DNAJC15: variants seen among roughly 807,000 people sequenced by gnomAD.
DNAJC15 encodes dnaJ homolog subfamily C member 15.
DNAJC15 carries 27 observed loss-of-function variants against 22.4 expected under a neutral mutation model. The ratio of observed to expected loss-of-function variants is 1.20; its 90% CI spans 0.89 to 1.66. The LOEUF is 1.66. DNAJC15 is among the 40% of genes most tolerant of loss of function. The pLI, the probability that DNAJC15 is intolerant of heterozygous loss-of-function variation, is 0.00. For synonymous variants in DNAJC15, 79 were observed against 63.2 expected, an observed-to-expected ratio of 1.25 and a Z score of -1.19; for missense variants, 208 against 187.1, an observed-to-expected ratio of 1.11 and a Z score of -0.65.
chr13:43,076,851 A>G (rs1223264420), intron 3 of DNAJC15, among the ~76,000 whole-genome samples: 1 of 152,162 alleles, frequency 6.6e-6, no homozygotes, highest in Non-Finnish European at 1.5e-5. Context: ...TCCAGAGGTC[A>G]GTTTGTGGCT....
rs1005167367 is a variant in DNAJC15, at chr13:43,108,917, C to T, written c.*1669C>T. 1 of 152,284 alleles carries T rather than the reference C, an allele frequency of 6.6e-6. No individual in the cohort carries two copies. Among genetic ancestry groups the T allele is most frequent in the African/African-American group, 2.4e-5 (1 of 41,564 alleles). 9.4% of individuals were successfully genotyped at this position (152,284 alleles called of 1,614,324 possible). A position where few individuals can be genotyped will look rare whatever the true frequency, so the allele number is the denominator to read the frequency against. On this transcript the variant is annotated 3_prime_UTR_variant, in exon 6 of 6. Transcript: ENST00000379221. ...CTTGCTTTAAAGTCCCCATACGTGT[C>T]CTACTAATTTTCTCATGCTTTAGTG... is the stretch of plus-strand genomic sequence containing the variant.
intron 1 of DNAJC15, among the ~76,000 whole-genome samples, chr13:43,028,723 T>A (rs2153439338): frequency 6.6e-6 from 1 of 152,328 alleles, no homozygotes; most frequent in South Asian, 2.1e-4. Flanking sequence ...GTGACTTTAC[T>A]AGAGCTTTCT....
chr13:43,057,036 C>T (rs775240121), intron 1 of DNAJC15, among the ~76,000 whole-genome samples: 20 of 152,190 alleles, frequency 1.3e-4, no homozygotes, highest in Non-Finnish European at 2.2e-4. Context: ...CCTCACAACA[C>T]TTAAGATTCT....
intron 5 of DNAJC15, among the ~76,000 whole-genome samples, chr13:43,093,010 C>T (rs2153441909): frequency 6.6e-6 from 1 of 152,346 alleles, no homozygotes; most frequent in East Asian, 1.9e-4. Flanking sequence ...TTTGGCCACT[C>T]CTAAAGTAAT....
At position 43,085,841 on chromosome 13, in the gene DNAJC15, A is replaced by T. The variant is rs1161229978; in HGVS notation, c.382+3A>T. The T allele has an allele frequency of 1.2e-6, 2 of 1,612,022 alleles. No homozygotes were observed. ...GATTTTGAATCACCCAGATAAAGGTAGGTAGAATTCCTATTTTTCATAATA... is the reference window on the plus strand; with the variant it reads ...GATTTTGAATCACCCAGATAAAGGTTGGTAGAATTCCTATTTTTCATAATA... On this transcript the variant is annotated splice_donor_region_variant and intron_variant, in intron 5 of 5. Transcript: ENST00000379221.
At chr13:43,024,036 C>T (rs549769034) in intron 1 of DNAJC15, among the ~76,000 whole-genome samples, 1 of 152,330 alleles carries the variant, frequency 6.6e-6, no homozygotes, top group African/African-American at 2.4e-5. Flanking sequence ...ATTTTCCTAT[C>T]TCATAGGAGG....
intron 5 of DNAJC15, among the ~76,000 whole-genome samples, chr13:43,101,986 T>C (rs1267110243): frequency 1.3e-5 from 2 of 152,222 alleles, no homozygotes; most frequent in South Asian, 2.1e-4. Context: ...GGTCTTTTAG[T>C]TCTTTAAGGA....
At chr13:43,078,573 G>A (rs1421316270) in intron 3 of DNAJC15, 39 bp from the exon 4 acceptor site, 8 of 1,575,324 alleles carry the variant, frequency 5.1e-6, no homozygotes, top group Admixed American at 1.7e-5. Flanking sequence ...CACCTCATAC[G>A]TGGAACTAAT....
chr13:43,072,425 A>G (rs2040613352), intron 3 of DNAJC15, among the ~76,000 whole-genome samples: 1 of 152,056 alleles, frequency 6.6e-6, no homozygotes, highest in African/African-American at 2.4e-5. Flanking sequence ...TCTGTCCTCT[A>G]TGTCTCTTAC....
At chr13:43,057,612 C>A (rs778998179) in intron 1 of DNAJC15, among the ~76,000 whole-genome samples, 10 of 152,034 alleles carry the variant, frequency 6.6e-5, no homozygotes, top group Non-Finnish European at 1.0e-4. Context: ...TTAGAGATTT[C>A]TTCTTGGTTT....
At chr13:43,044,904 TG>T (rs1304985657) in intron 1 of DNAJC15, among the ~76,000 whole-genome samples, 1 of 152,132 alleles carries the variant, frequency 6.6e-6, no homozygotes, top group African/African-American at 2.4e-5. Context: ...CTCATCCCCA[TG>T]CCTCTGCTTT....
At chr13:43,058,343 A>G (rs1488821172) in intron 1 of DNAJC15, among the ~76,000 whole-genome samples, 1 of 151,812 alleles carries the variant, frequency 6.6e-6, no homozygotes, top group East Asian at 1.9e-4. Flanking sequence ...AGCTCCCAAG[A>G]GATTATGTCC....
intron 1 of DNAJC15, among the ~76,000 whole-genome samples, chr13:43,024,590 C>T (rs1462520294): frequency 1.3e-5 from 2 of 151,728 alleles, no homozygotes; most frequent in African/African-American, 4.8e-5. Context: ...GTGATCCGCC[C>T]GCCTCGGCCT....
chr13:43,104,713 AG>A (rs2040787946), intron 5 of DNAJC15, among the ~76,000 whole-genome samples: 1 of 143,528 alleles, frequency 7.0e-6, no homozygotes, highest in South Asian at 2.2e-4. Context: ...TTTTGGAGAT[AG>A]GGCCCCACCC....
intron 1 of DNAJC15, among the ~76,000 whole-genome samples, chr13:43,043,596 G>A (rs1241839094): frequency 6.6e-6 from 1 of 152,212 alleles, no homozygotes; most frequent in African/African-American, 2.4e-5. Flanking sequence ...ACTTTGAGGA[G>A]TTTTTAATTA....
At chr13:43,099,994 CAG>C (rs1166998176) in intron 5 of DNAJC15, among the ~76,000 whole-genome samples, 1 of 151,980 alleles carries the variant, frequency 6.6e-6, no homozygotes, top group African/African-American at 2.4e-5. Context: ...TATAAGCCAT[CAG>C]GGGCTGGGCT....
At chr13:43,087,350 G>A (rs933087277) in intron 5 of DNAJC15, among the ~76,000 whole-genome samples, 2 of 152,176 alleles carry the variant, frequency 1.3e-5, no homozygotes, top group Non-Finnish European at 1.5e-5. Flanking sequence ...TAGTAAAAGT[G>A]TAGTGATAGG....
intron 5 of DNAJC15, among the ~76,000 whole-genome samples, chr13:43,087,923 AT>A (rs1218075867): frequency 2.6e-5 from 4 of 152,246 alleles, no homozygotes; most frequent in Admixed American, 2.0e-4. Flanking sequence ...AGATAAAAAA[AT>A]AATGCAGTAA....
intron 1 of DNAJC15, among the ~76,000 whole-genome samples, chr13:43,065,273 G>T (rs17064105): frequency 0.017 from 2,603 of 152,188 alleles, 91 homozygotes; most frequent in East Asian, 0.11. Flanking sequence ...TTGATGTAAG[G>T]TTTCATGAAA....
Sources: gnomAD v4.1 joint callset for allele counts (sites outside exome capture counted in the v4.1 genomes callset) on GRCh38, gnomAD v4.1.1 for gene constraint, MANE v1.5 for transcripts, NCBI Gene and HGNC (gene_info 2026-07-23, HGNC 2026-07-21) for gene names.